The following ROBO2 variants were observed in gnomAD, a reference collection of about 807,000 sequenced individuals.
The protein encoded by ROBO2 is roundabout homolog 2.
A neutral mutation model predicts 160.8 loss-of-function variants in ROBO2; 53 were observed. The ratio of observed to expected loss-of-function variants is 0.33; its 90% confidence interval spans 0.26 to 0.41. The LOEUF is 0.41. Among genes scored for constraint, ROBO2 ranks in the 10% least tolerant of loss-of-function variants. ROBO2 has a pLI of 1.00. For synonymous variants in ROBO2, 664 were observed against 611.7 expected, an observed-to-expected ratio of 1.09 and a Z score of -1.26; for missense variants, 1,577 against 1,722.4, an observed-to-expected ratio of 0.92 and a Z score of 1.49.
intron 5 of ROBO2, among the ~76,000 whole-genome samples, chr3:77,522,191 C>T (rs1432142561): frequency 1.3e-5 from 2 of 150,992 alleles, no homozygotes; most frequent in African/African-American, 2.4e-5. Flanking sequence ...TGCACGTGAA[C>T]GAGCTGAGGA....
chr3:76,497,168 A>G (rs749877951), intron 2 of ROBO2, among the ~76,000 whole-genome samples: 2 of 152,022 alleles, frequency 1.3e-5, no homozygotes, highest in East Asian at 3.9e-4. Context: ...CTTTGATTGG[A>G]ATGATTGATC....
At chr3:76,328,625 C>A (rs1301901984) in intron 2 of ROBO2, among the ~76,000 whole-genome samples, 1 of 151,866 alleles carries the variant, frequency 6.6e-6, no homozygotes, top group Non-Finnish European at 1.5e-5. Flanking sequence ...CTTTGGGAGG[C>A]CGAGGCGGGT....
intron 2 of ROBO2, among the ~76,000 whole-genome samples, chr3:76,605,801 T>TC (rs60335532): frequency 0.023 from 3,474 of 152,076 alleles, 105 homozygotes; most frequent in African/African-American, 0.072. Flanking sequence ...TAGATTTTTC[T>TC]CCCCCCCTTA....
chr3:77,275,833 T>G (rs892060629), intron 2 of ROBO2, among the ~76,000 whole-genome samples: 1 of 152,092 alleles, frequency 6.6e-6, no homozygotes, highest in African/African-American at 2.4e-5. Flanking sequence ...TTCTCTTAAT[T>G]TAGTTATAGA....
chr3:76,769,005 A>G (rs2061728295), intron 2 of ROBO2, among the ~76,000 whole-genome samples: 1 of 151,466 alleles, frequency 6.6e-6, no homozygotes, highest in African/African-American at 2.4e-5. Context: ...TTAAGTGGGA[A>G]AATACCAACA....
chr3:76,039,128 G>A (rs547364705), intron 2 of ROBO2, among the ~76,000 whole-genome samples: 2 of 151,952 alleles, frequency 1.3e-5, no homozygotes, highest in Admixed American at 6.5e-5. Flanking sequence ...ACAGGTGGGG[G>A]AAGTGGCCAT....
intron 2 of ROBO2, among the ~76,000 whole-genome samples, chr3:77,280,546 C>A (rs1354431769): frequency 6.6e-6 from 1 of 152,000 alleles, no homozygotes; most frequent in Non-Finnish European, 1.5e-5. Context: ...CATCTTGTAG[C>A]CAAAAGGAAT....
intron 2 of ROBO2, among the ~76,000 whole-genome samples, chr3:76,399,777 A>C (rs567920876): frequency 6.6e-6 from 1 of 151,762 alleles, no homozygotes; most frequent in African/African-American, 2.4e-5. Flanking sequence ...CTCTTTATTC[A>C]TGAATGTTTT....
chr3:77,292,025 A>T (rs9865211), intron 2 of ROBO2, among the ~76,000 whole-genome samples: 41,885 of 140,882 alleles, frequency 0.3, 3,794 homozygotes, highest in Middle Eastern at 0.43. Context: ...TCACCCCAGA[A>T]ATAAAGTAAA....
chr3:77,255,977 CT>C (rs1232991336), intron 2 of ROBO2, among the ~76,000 whole-genome samples: 11 of 152,150 alleles, frequency 7.2e-5, no homozygotes, highest in Non-Finnish European at 2.9e-5. Context: ...ACCAGTTGTG[CT>C]TTCAACTCTG....
intron 2 of ROBO2, among the ~76,000 whole-genome samples, chr3:76,703,984 CT>C (rs150302835): frequency 0.055 from 7,950 of 145,750 alleles, 528 homozygotes; most frequent in African/African-American, 0.16. Flanking sequence ...AATAGTACTT[CT>C]TTTTTTTTTT....
intron 5 of ROBO2, among the ~76,000 whole-genome samples, chr3:77,509,366 G>A (rs375188436): frequency 6.6e-6 from 1 of 152,030 alleles, no homozygotes; most frequent in South Asian, 2.1e-4. Context: ...GCATACATTA[G>A]GGTATGGTTT....
intron 2 of ROBO2, among the ~76,000 whole-genome samples, chr3:75,962,343 A>G (rs1173675145): frequency 6.6e-6 from 1 of 151,828 alleles, no homozygotes; most frequent in Non-Finnish European, 1.5e-5. Flanking sequence ...CATAGGATTT[A>G]TATGTAAAGG....
At chr3:76,643,501 C>T (rs922413807) in intron 2 of ROBO2, among the ~76,000 whole-genome samples, 46 of 152,108 alleles carry the variant, frequency 3.0e-4, no homozygotes, top group Admixed American at 6.6e-4. Flanking sequence ...TATATACTGT[C>T]CTGCAATAAA....
intron 2 of ROBO2, among the ~76,000 whole-genome samples, chr3:76,620,443 A>T (rs1262193061): frequency 6.6e-6 from 1 of 152,168 alleles, no homozygotes; most frequent in Non-Finnish European, 1.5e-5. Flanking sequence ...ATGTTCGAGG[A>T]TGTAACTTTC....
intron 2 of ROBO2, among the ~76,000 whole-genome samples, chr3:76,796,428 AGAAG>A (rs1405862607): frequency 2.0e-5 from 3 of 151,428 alleles, no homozygotes; most frequent in South Asian, 2.1e-4. Flanking sequence ...GAAAAAAAAA[AGAAG>A]GAAGAAAAGA....
intron 2 of ROBO2, among the ~76,000 whole-genome samples, chr3:76,404,545 A>G (rs1185160105): frequency 6.6e-6 from 1 of 151,582 alleles, no homozygotes; most frequent in Non-Finnish European, 1.5e-5. Flanking sequence ...ACTAAGAGGC[A>G]TAGTCGATCA....
intron 2 of ROBO2, among the ~76,000 whole-genome samples, chr3:77,007,255 A>G (rs1325664823): frequency 1.3e-5 from 2 of 152,158 alleles, no homozygotes; most frequent in Non-Finnish European, 2.9e-5. Context: ...TTAATGCATT[A>G]ATTAAAATGT....
intron 2 of ROBO2, among the ~76,000 whole-genome samples, chr3:77,322,755 A>C (rs1465917724): frequency 7.4e-6 from 1 of 134,630 alleles, no homozygotes; most frequent in African/African-American, 2.7e-5. Flanking sequence ...TTATTTATAT[A>C]TAATATATTA....
Sources: gnomAD v4.1 joint callset for allele counts (sites outside exome capture counted in the v4.1 genomes callset) on GRCh38, gnomAD v4.1.1 for gene constraint, MANE v1.5 for transcripts, NCBI Gene and HGNC (gene_info 2026-07-23, HGNC 2026-07-21) for gene names.